The following CEP112 variants were observed in gnomAD, a reference collection of about 807,000 sequenced individuals.
CEP112 encodes the protein centrosomal protein 112.
CEP112 carries 127 observed loss-of-function variants against 153.0 expected under a neutral mutation model. The ratio of observed to expected loss-of-function variants is 0.83; its 90% CI spans 0.72 to 0.96. The LOEUF is 0.96. Among genes scored for constraint, CEP112 ranks in the 40% least tolerant of loss-of-function variants. CEP112 has a pLI of 0.00. For missense variants in CEP112, 1,089 were observed against 1,101.2 expected (o/e 0.99, Z 0.16); for synonymous variants, 358 against 374.4 (o/e 0.96, Z 0.51).
chr17:65,785,323 T>A (rs1408094185), intron 21 of CEP112, among the ~76,000 whole-genome samples: 1 of 152,248 alleles, frequency 6.6e-6, no homozygotes, highest in Non-Finnish European at 1.5e-5. Context: ...TCAGTTCTCC[T>A]GTGTGTACTT....
At chr17:65,981,230 T>C (rs1022310981) in intron 17 of CEP112, among the ~76,000 whole-genome samples, 1 of 152,214 alleles carries the variant, frequency 6.6e-6, no homozygotes, top group Non-Finnish European at 1.5e-5. Flanking sequence ...CTATAGGGTA[T>C]ACAAGCCACT....
At position 66,176,952 on chromosome 17, in the gene CEP112, C is replaced by G. The variant is rs754679253; in HGVS notation, c.175G>C (p.Gly59Arg). Residue 59 changes from glycine (G) to arginine (R), a missense_variant, in exon 3 of 27, where the codon GGG (glycine) becomes CGG (arginine). Physicochemically the swap from Gly to Arg is moderately radical, Grantham distance 125. Transcript: ENST00000535342. ...EPSGTGAGIM[G>R]RKNRNLYAKL... ...GCATACAGGTTCCGATTCTTCCTCC[C>G]CATTATTCCTGCACCTGTTCCTGAA... The G allele has an allele frequency of 6.2e-7, 1 of 1,613,942 alleles. No homozygotes were observed. The highest frequency in any genetic ancestry group is 1.7e-5 in the Admixed American group (1 of 60,002).
chr17:65,708,926 G>A (rs891986245), intron 23 of CEP112, among the ~76,000 whole-genome samples: 5 of 152,152 alleles, frequency 3.3e-5, no homozygotes, highest in African/African-American at 1.2e-4. Flanking sequence ...AGATTGGACT[G>A]GATGTGTAGG....
rs1021515105 is a variant in CEP112 at position 66,056,098 on chromosome 17, G to A, written c.1075-2219C>T. ...CTTGCTGGAGTTTATGAAACCATAG[G>A]ACATAACAATGAGTTGATCCATAGG... On this transcript the variant is annotated intron_variant, in intron 11 of 26. Transcript: ENST00000535342. Among the ~76,000 whole-genome samples the A allele has an allele frequency of 2.0e-5, 3 of 152,062 alleles. No individual in the cohort carries two copies. In the South Asian group the frequency reaches 6.2e-4, roughly 32 times the overall value.
chr17:65,844,596 A>G (rs1304632346), intron 21 of CEP112, among the ~76,000 whole-genome samples: 1 of 151,278 alleles, frequency 6.6e-6, no homozygotes, highest in East Asian at 1.9e-4. Context: ...GAGGCGGGAG[A>G]ATCGCTTGAA....
chr17:65,641,872 C>T (rs1415816302), intron 24 of CEP112, among the ~76,000 whole-genome samples: 1 of 152,314 alleles, frequency 6.6e-6, no homozygotes, highest in Non-Finnish European at 1.5e-5. Context: ...CCCTCTTTGA[C>T]ACAAGTAGAC....
intron 17 of CEP112, among the ~76,000 whole-genome samples, chr17:66,001,694 A>C (rs534769808): frequency 3.1e-4 from 47 of 152,310 alleles, no homozygotes; most frequent in South Asian, 4.1e-4. Context: ...CCAAAAACTT[A>C]AAAAATTAAA....
At chr17:65,943,146 A>C (rs549847957) in intron 18 of CEP112, among the ~76,000 whole-genome samples, 18 of 152,358 alleles carry the variant, frequency 1.2e-4, no homozygotes, top group Non-Finnish European at 2.5e-4. Flanking sequence ...TAAATGGCAG[A>C]AAGATAAACA....
intron 20 of CEP112, among the ~76,000 whole-genome samples, chr17:65,858,436 T>C (rs1419210297): frequency 6.6e-6 from 1 of 152,200 alleles, no homozygotes; most frequent in Admixed American, 6.5e-5. Context: ...TATGTATTCC[T>C]GGAAATTTGT....
At chr17:65,812,620 T>A (rs1402718590) in intron 21 of CEP112, among the ~76,000 whole-genome samples, 1 of 152,094 alleles carries the variant, frequency 6.6e-6, no homozygotes, top group Admixed American at 6.5e-5. Flanking sequence ...TTATATATTA[T>A]CTCCACAAGA....
chr17:66,122,032 C>A lies in CEP112; in HGVS notation c.642+7714G>T, dbSNP rs1239400854. Reference sequence around the variant, plus strand: ...GCCGCAGCTTCCCAAGTAGCTGGGACTACAGGTGTGCACCACCATGCCCAA... The same window carrying A: ...GCCGCAGCTTCCCAAGTAGCTGGGAATACAGGTGTGCACCACCATGCCCAA... On this transcript the variant is annotated intron_variant, in intron 6 of 26. Transcript: ENST00000535342. 2.6e-5 allele frequency among the ~76,000 whole-genome samples: 4 copies of A among 152,048 alleles called. No homozygotes were observed. The East Asian group carries it at 7.7e-4, about 29-fold the overall frequency.
At chr17:66,004,760 G>A (rs1041680214) in intron 17 of CEP112, among the ~76,000 whole-genome samples, 1 of 152,144 alleles carries the variant, frequency 6.6e-6, no homozygotes, top group African/African-American at 2.4e-5. Flanking sequence ...GGCAGAATTC[G>A]ATACTAAATG....
chr17:65,705,256 G>A (rs910246319), intron 23 of CEP112, among the ~76,000 whole-genome samples: 1 of 152,180 alleles, frequency 6.6e-6, no homozygotes, highest in East Asian at 1.9e-4. Flanking sequence ...CTTCAAGTGA[G>A]GCTGTGATTC....
Position 65,676,032 on chromosome 17 carries a change from T to C in CEP112, c.2697+13097A>G, listed in dbSNP as rs370044678. Among the ~76,000 whole-genome samples the C allele has an allele frequency of 3.0e-4, 45 of 152,234 alleles. No homozygotes were observed. The East Asian group carries it at 7.9e-3, about 27-fold the overall frequency. On this transcript the variant is annotated intron_variant, in intron 24 of 26. Coordinates refer to ENST00000535342, the MANE Select transcript of CEP112 (RefSeq NM_001199165.4). The stretch of plus-strand genomic sequence containing the variant: ...ATGTCAGCAACAAACTGTGAGAAAA[T>C]GCAATTTTTAAAAATGCCATTTAAG...
chr17:65,659,908 T>C (rs529053806), intron 24 of CEP112, among the ~76,000 whole-genome samples: 1 of 151,844 alleles, frequency 6.6e-6, no homozygotes, highest in African/African-American at 2.4e-5. Context: ...GAAGAATGAG[T>C]AGGAACTTTC....
At chr17:66,157,432 T>C (rs1598459524) in intron 4 of CEP112, among the ~76,000 whole-genome samples, 1 of 152,122 alleles carries the variant, frequency 6.6e-6, no homozygotes, top group East Asian at 1.9e-4. Flanking sequence ...ACATACCAAA[T>C]TATAAAAACC....
At chr17:65,987,335 A>T (rs1490881643) in intron 17 of CEP112, among the ~76,000 whole-genome samples, 1 of 152,162 alleles carries the variant, frequency 6.6e-6, no homozygotes, top group East Asian at 1.9e-4. Flanking sequence ...CAAATCAGTG[A>T]TGTTGTAAAC....
intron 21 of CEP112, among the ~76,000 whole-genome samples, chr17:65,804,773 C>G (rs551951144): frequency 6.6e-6 from 1 of 152,146 alleles, no homozygotes; most frequent in Admixed American, 6.5e-5. Flanking sequence ...AAATATGAAT[C>G]ATATCCTCAG....
At chr17:65,652,220 T>C (rs1291678432) in intron 24 of CEP112, among the ~76,000 whole-genome samples, 4 of 152,156 alleles carry the variant, frequency 2.6e-5, no homozygotes, top group Admixed American at 2.6e-4. Flanking sequence ...ATCTTTTGAT[T>C]TAATAAAGTG....
Sources: gnomAD v4.1 joint callset for allele counts (sites outside exome capture counted in the v4.1 genomes callset) on GRCh38, gnomAD v4.1.1 for gene constraint, MANE v1.5 for transcripts, NCBI Gene and HGNC (gene_info 2026-07-23, HGNC 2026-07-21) for gene names.